RICTOR: variants seen among roughly 807,000 people sequenced by gnomAD.
RICTOR encodes the protein RPTOR independent companion of MTOR complex 2.
In RICTOR, 49 loss-of-function variants were observed where a neutral mutation model predicts 214.9. That is an observed-to-expected ratio of 0.23 (90% confidence interval 0.18 to 0.29). The LOEUF is 0.29. RICTOR is among the 10% of genes least tolerant of loss of function. The probability of loss-of-function intolerance (pLI) is 1.00; values close to 1 mark genes in which losing one functional copy is unlikely to be tolerated. For missense variants in RICTOR, 1,625 were observed against 2,047.0 expected (o/e 0.79, Z 3.98); for synonymous variants, 717 against 711.3 (o/e 1.01, Z -0.13).
At chr5:39,020,886 T>C (rs889625708) in intron 3 of RICTOR, among the ~76,000 whole-genome samples, 153 bp downstream of exon 3, 1 of 152,220 alleles carries the variant, frequency 6.6e-6, no homozygotes, top group Non-Finnish European at 1.5e-5. Context: ...ATTTTTAAGA[T>C]ACACTGGACA....
intron 7 of RICTOR, among the ~76,000 whole-genome samples, chr5:38,990,624 G>C (rs1580015853): frequency 1.3e-5 from 1 of 77,432 alleles, no homozygotes; most frequent in African/African-American, 5.0e-5. Flanking sequence ...TACGATATAT[G>C]ATATATATAT....
At chr5:38,958,338 G>A in intron 24 of RICTOR, 105 bp downstream of exon 24, 30 of 711,286 alleles carry the variant, frequency 4.2e-5, no homozygotes, top group South Asian at 1.9e-4. Flanking sequence ...ATATTAAAAG[G>A]TAAACTCTTC....
At chr5:39,032,877 A>T (rs986246828) in intron 2 of RICTOR, among the ~76,000 whole-genome samples, 15 of 152,190 alleles carry the variant, frequency 9.9e-5, no homozygotes, top group African/African-American at 3.6e-4. Flanking sequence ...TTATTTCTCA[A>T]CCCAACTTGG....
rs774051140 is a variant in RICTOR, at chr5:38,942,398, T to C, written c.5053-20A>G. On this transcript the variant is annotated intron_variant, in intron 37 of 37. Transcript: ENST00000357387. ...ATGCATCTAGGGAAAAAATGGTGTA[T>C]CATCAATTACTTTTATAAAAACAGA... The C allele has an allele frequency of 6.6e-7, 1 of 1,511,044 alleles. No individual in the cohort carries two copies. The highest frequency in any genetic ancestry group is 2.3e-5 in the East Asian group (1 of 44,356). The allele number at this position is 1,511,044 out of a possible 1,614,324, so 93.6% of individuals were successfully genotyped here.
chr5:38,983,552 T>C (rs1324640199), intron 7 of RICTOR, among the ~76,000 whole-genome samples: 2 of 152,222 alleles, frequency 1.3e-5, no homozygotes, highest in Admixed American at 1.3e-4. Context: ...ATAGCATTGA[T>C]TGTTGATTTG....
At chr5:39,032,290 T>C (rs140626261) in intron 2 of RICTOR, among the ~76,000 whole-genome samples, 1,544 of 152,272 alleles carry the variant, frequency 0.01, 24 homozygotes, top group African/African-American at 0.034. Flanking sequence ...GAAATAACCA[T>C]GTTTCCTCTC....
At chr5:39,037,738 G>A (rs1180253645) in intron 2 of RICTOR, among the ~76,000 whole-genome samples, 4 of 152,114 alleles carry the variant, frequency 2.6e-5, no homozygotes, top group East Asian at 1.9e-4. Context: ...TAAATTTCTC[G>A]ACACATACAC....
intron 3 of RICTOR, among the ~76,000 whole-genome samples, chr5:39,017,457 T>C (rs1023174128): frequency 1.3e-5 from 2 of 152,090 alleles, no homozygotes; most frequent in African/African-American, 2.4e-5. Context: ...AAGATTTTCA[T>C]TACATTCACT....
chr5:38,953,533 A>G lies in RICTOR; in HGVS notation c.2718T>C (p.Cys906=). ...LEVQNIITEL[C]RNVRTPDLDK... ...CCAAATCTGGTGTACGAACATTACG[A>G]CAGAGTTCTGTAATAATATTCTGGA... The change falls in exon 28 of 38, where the codon TGT becomes TGC. Residue 906 remains cysteine, a synonymous_variant. Coordinates refer to ENST00000357387, the MANE Select transcript of RICTOR (RefSeq NM_152756.5). The G allele has an allele frequency of 2.1e-6, 3 of 1,416,386 alleles. No individual in the cohort carries two copies. The South Asian group carries it at 4.7e-5, about 22-fold the overall frequency. 87.7% of individuals were successfully genotyped at this position (1,416,386 alleles called of 1,614,324 possible).
chr5:38,972,108 T>C (rs1418772510), intron 10 of RICTOR, 149 bp from the exon 11 acceptor site: 2 of 525,628 alleles, frequency 3.8e-6, no homozygotes, highest in African/African-American at 3.8e-5. Context: ...ATTATATAAC[T>C]GAAATATATT....
In RICTOR at chr5:38,945,675, T is replaced by C; in HGVS notation, c.4449A>G (p.Leu1483=). Reference sequence around the variant, plus strand: ...TTTCCGTAAGACTCATCTGCTGTCGTAGCAAGTGAAAAGAATTTTTTACAA... The same window carrying C: ...TTTCCGTAAGACTCATCTGCTGTCGCAGCAAGTGAAAAGAATTTTTTACAA... ...GGLVKNSFHL[L]RQQMSLTEIM... Residue 1483 remains leucine, a synonymous_variant, in exon 34 of 38, where the codon CTA becomes CTG. Coordinates refer to ENST00000357387, the MANE Select transcript of RICTOR (RefSeq NM_152756.5). 1 of 1,613,964 alleles carries C rather than the reference T, an allele frequency of 6.2e-7. No individual in the cohort carries two copies. Among genetic ancestry groups the C allele is most frequent in the Non-Finnish European group, 8.5e-7 (1 of 1,179,868 alleles).
chr5:39,068,109 T>C (rs955592043), intron 2 of RICTOR, among the ~76,000 whole-genome samples: 1 of 152,176 alleles, frequency 6.6e-6, no homozygotes, highest in Non-Finnish European at 1.5e-5. Flanking sequence ...AAATTCCCAC[T>C]GGGATAAGGA....
chr5:39,005,740 T>C (rs899191069), intron 3 of RICTOR, among the ~76,000 whole-genome samples: 6 of 152,218 alleles, frequency 3.9e-5, no homozygotes, highest in African/African-American at 4.8e-5. Context: ...GATGGTGTTA[T>C]CTGTCTCCAC....
intron 7 of RICTOR, among the ~76,000 whole-genome samples, chr5:38,985,730 C>A (rs1395258154): frequency 6.6e-6 from 1 of 151,658 alleles, no homozygotes; most frequent in Non-Finnish European, 1.5e-5. Flanking sequence ...GAGTCTCGCA[C>A]TGTCACCCAG....
intron 8 of RICTOR, 132 bp from the exon 9 acceptor site, chr5:38,978,782 CTCA>C (rs1319947712): frequency 6.0e-6 from 3 of 497,088 alleles, no homozygotes; most frequent in African/African-American, 6.0e-5. Context: ...TTTCTTCTAA[CTCA>C]TCATCAGGGA....
intron 2 of RICTOR, among the ~76,000 whole-genome samples, chr5:39,052,036 T>C (rs1757894731): frequency 6.6e-6 from 1 of 152,176 alleles, no homozygotes; most frequent in Admixed American, 6.5e-5. Context: ...TTCATAATGC[T>C]GGGCAGAAGT....
intron 2 of RICTOR, among the ~76,000 whole-genome samples, chr5:39,031,689 T>C (rs1465511178): frequency 6.6e-6 from 1 of 152,186 alleles, no homozygotes; most frequent in Non-Finnish European, 1.5e-5. Context: ...ATGATGTATT[T>C]GTGAATACAC....
intron 2 of RICTOR, among the ~76,000 whole-genome samples, chr5:39,047,074 TA>T (rs1561060068): frequency 1.3e-5 from 2 of 152,108 alleles, no homozygotes; most frequent in African/African-American, 2.4e-5. Flanking sequence ...AAAAAAAACT[TA>T]AAAAAATTTC....
intron 2 of RICTOR, among the ~76,000 whole-genome samples, chr5:39,030,655 A>AC (rs1170101331): frequency 6.6e-6 from 1 of 152,328 alleles, no homozygotes; most frequent in South Asian, 2.1e-4. Flanking sequence ...CTTTATGAGG[A>AC]CAAGGACATC....
Sources: gnomAD v4.1 joint callset for allele counts (sites outside exome capture counted in the v4.1 genomes callset) on GRCh38, gnomAD v4.1.1 for gene constraint, MANE v1.5 for transcripts, NCBI Gene and HGNC (gene_info 2026-07-23, HGNC 2026-07-21) for gene names.